The following PYGO1 variants were observed in gnomAD, a reference collection of about 807,000 sequenced individuals.
PYGO1 encodes the protein pygopus homolog 1.
Under a neutral mutation model 29.5 loss-of-function variants are expected in PYGO1, and 6 were observed. The observed-to-expected ratio is 0.20, with a 90% CI of 0.11 to 0.40. The LOEUF (loss-of-function observed/expected upper bound fraction) is 0.40. PYGO1 is among the 10% of genes least tolerant of loss of function. PYGO1 has a pLI of 1.00. For synonymous variants in PYGO1, 186 were observed against 180.5 expected (o/e 1.03, Z -0.24); for missense variants, 515 against 514.9 (o/e 1.00, Z 0.00).
rs1166041401 is a variant in PYGO1 at position 55,547,007 on chromosome 15, G to A, written c.276C>T (p.Gly92=). The stretch of plus-strand genomic sequence containing the variant: ...AGCCTCCAAAGCCAGGATAACCAGG[G>A]CCAAGATATGGATTTGACGAAGGTA... ...KPLPSSNPYL[G]PGYPGFGGYS... is the part of the protein sequence containing the mutation. Residue 92 remains glycine, a synonymous_variant, in exon 3 of 3, where the codon GGC becomes GGT. Transcript: ENST00000563719. The A allele has an allele frequency of 3.1e-6, 5 of 1,614,020 alleles. No homozygotes were observed. The highest frequency in any genetic ancestry group is 4.2e-6 in the Non-Finnish European group (5 of 1,179,954).
Position 55,576,766 on chromosome 15 carries a change from A to AAAAAAAAAAAAAAC in PYGO1, c.49+11068_49+11069insGTTTTTTTTTTTTT, listed in dbSNP as rs1366354884. Among the ~76,000 whole-genome samples the AAAAAAAAAAAAAAC allele has an allele frequency of 1.3e-5, 2 of 149,758 alleles. 1 individual carries two copies. The highest frequency in any genetic ancestry group is 1.3e-4 in the Admixed American group (2 of 15,002). Reference sequence around the variant, plus strand: ...TCCAGCCTGGGCGACAGATCAAAAAAAAGAAGTGGGGGAAAAGATTCTGTA... The same window carrying AAAAAAAAAAAAAAC: ...TCCAGCCTGGGCGACAGATCAAAAAAAAAAAAAAAAAAACAAGAAGTGGGGGAAAAGATTCTGTA... On this transcript the variant is annotated intron_variant, in intron 1 of 2. Coordinates refer to ENST00000563719, the MANE Select transcript of PYGO1 (RefSeq NM_001367806.1).
intron 1 of PYGO1, among the ~76,000 whole-genome samples, chr15:55,569,921 G>T (rs2058973617): frequency 6.6e-6 from 1 of 152,196 alleles, no homozygotes; most frequent in African/African-American, 2.4e-5. Context: ...TACACAACCA[G>T]ATTTAAAATG....
chr15:55,557,240 T>C (rs1321323148), intron 1 of PYGO1, among the ~76,000 whole-genome samples: 3 of 151,848 alleles, frequency 2.0e-5, no homozygotes, highest in African/African-American at 7.3e-5. Flanking sequence ...CTAGAAAATC[T>C]AGAAGAAATG....
At position 55,577,604 on chromosome 15, in the gene PYGO1, CTAGGTTTTTG is replaced by C. The variant is rs1190830412; in HGVS notation, c.49+10221_49+10230del. Among the ~76,000 whole-genome samples the C allele has an allele frequency of 7.8e-4, 22 of 28,162 alleles. 1 individual carries two copies. The highest frequency in any genetic ancestry group is 2.1e-3 in the African/African-American group (20 of 9,598). 18.5% of individuals were successfully genotyped at this position (28,162 alleles called of 152,430 possible). A position where few individuals can be genotyped will look rare whatever the true frequency, so the allele number is the denominator to read the frequency against. On this transcript the variant is annotated intron_variant, in intron 1 of 2. Transcript: ENST00000563719. Reference sequence around the variant, plus strand: ...TAAAACTAGGTTTTTGTTTTTAAAACTAGGTTTTTGTTTTAAGTGTATAGTCGGTGATTTT... The same window carrying C: ...TAAAACTAGGTTTTTGTTTTTAAAACTTTTAAGTGTATAGTCGGTGATTTT...
intron 1 of PYGO1, among the ~76,000 whole-genome samples, chr15:55,561,307 C>T (rs1373472977): frequency 6.6e-6 from 1 of 152,136 alleles, no homozygotes; most frequent in South Asian, 2.1e-4. Flanking sequence ...AAACTGGACC[C>T]CTTCTGTATT....
intron 1 of PYGO1, among the ~76,000 whole-genome samples, chr15:55,574,728 G>A (rs1054785211): frequency 6.6e-6 from 1 of 152,054 alleles, no homozygotes; most frequent in South Asian, 2.1e-4. Flanking sequence ...ATCTTTATAA[G>A]GACAGCTAAT....
intron 2 of PYGO1, among the ~76,000 whole-genome samples, chr15:55,548,701 T>C (rs1399553636): frequency 3.8e-5 from 2 of 53,180 alleles, no homozygotes; most frequent in East Asian, 7.6e-4. Flanking sequence ...AGAGCAAGAA[T>C]CCACCTAAAA....
intron 1 of PYGO1, among the ~76,000 whole-genome samples, 193 bp downstream of exon 1, chr15:55,587,642 G>A (rs2059053956): frequency 6.6e-6 from 1 of 151,946 alleles, no homozygotes; most frequent in Non-Finnish European, 1.5e-5. Context: ...AGGGATCCGC[G>A]CGGATGTCTC....
intron 1 of PYGO1, among the ~76,000 whole-genome samples, chr15:55,553,626 G>A (rs1051614231): frequency 1.2e-4 from 18 of 152,230 alleles, no homozygotes; most frequent in African/African-American, 4.3e-4. Context: ...GGCCAGGCTG[G>A]TCTCAAACTC....
intron 1 of PYGO1, among the ~76,000 whole-genome samples, chr15:55,556,236 A>G (rs1210944042): frequency 6.6e-6 from 1 of 152,212 alleles, no homozygotes; most frequent in Non-Finnish European, 1.5e-5. Flanking sequence ...CTTACTCTAA[A>G]ATTGATCACA....
At chr15:55,566,139 T>C (rs2058955427) in intron 1 of PYGO1, among the ~76,000 whole-genome samples, 1 of 152,102 alleles carries the variant, frequency 6.6e-6, no homozygotes, top group African/African-American at 2.4e-5. Flanking sequence ...GTTACCTGGG[T>C]ATATTGTATG....
At chr15:55,552,315 C>T (rs367981772) in intron 1 of PYGO1, among the ~76,000 whole-genome samples, 2 of 146,432 alleles carry the variant, frequency 1.4e-5, no homozygotes, top group East Asian at 2.0e-4. Flanking sequence ...GAGATCGCAC[C>T]ACTGCACTGC....
At chr15:55,586,262 A>G (rs1205302715) in intron 1 of PYGO1, among the ~76,000 whole-genome samples, 1 of 152,132 alleles carries the variant, frequency 6.6e-6, no homozygotes, top group African/African-American at 2.4e-5. Context: ...CCTCCCTACT[A>G]GTCTCCCCTG....
chr15:55,556,110 T>A (rs956905736), intron 1 of PYGO1, among the ~76,000 whole-genome samples: 1 of 152,054 alleles, frequency 6.6e-6, no homozygotes, highest in Middle Eastern at 3.4e-3. Context: ...GACACAAAAT[T>A]AACAAAGATA....
intron 1 of PYGO1, among the ~76,000 whole-genome samples, chr15:55,563,656 A>G (rs1380302398): frequency 1.3e-5 from 2 of 152,064 alleles, no homozygotes; most frequent in Admixed American, 6.6e-5. Flanking sequence ...AGCCACAAAT[A>G]AATTCTTTAG....
chr15:55,579,104 A>AT (rs1008009621), intron 1 of PYGO1, among the ~76,000 whole-genome samples: 17 of 152,110 alleles, frequency 1.1e-4, no homozygotes, highest in East Asian at 9.6e-4. Context: ...CCTCAAGGTC[A>AT]TTTTTTTTCA....
chr15:55,568,104 T>G (rs1343356876), intron 1 of PYGO1, among the ~76,000 whole-genome samples: 1 of 152,234 alleles, frequency 6.6e-6, no homozygotes, highest in African/African-American at 2.4e-5. Context: ...TTTTTCCAAT[T>G]CTGTGAAAAA....
At chr15:55,573,989 T>G (rs958862537) in intron 1 of PYGO1, among the ~76,000 whole-genome samples, 5 of 152,230 alleles carry the variant, frequency 3.3e-5, no homozygotes, top group Admixed American at 2.6e-4. Context: ...GTTGAAGACC[T>G]CAATCTACGG....
upstream of PYGO1, chr15:55,588,699 T>C: frequency 7.6e-7 from 1 of 1,316,708 alleles, no homozygotes; most frequent in Non-Finnish European, 1.1e-6. Flanking sequence ...CGGCCGACGC[T>C]ACCGGGCCCA....
Sources: gnomAD v4.1 joint callset for allele counts (sites outside exome capture counted in the v4.1 genomes callset) on GRCh38, gnomAD v4.1.1 for gene constraint, MANE v1.5 for transcripts, NCBI Gene and HGNC (gene_info 2026-07-23, HGNC 2026-07-21) for gene names.